CYSLTR2: variants seen among roughly 807,000 people sequenced by gnomAD.
CYSLTR2 encodes the protein G-protein coupled receptor GPCR21.
For synonymous variants in CYSLTR2, 179 were observed against 160.8 expected (o/e 1.11, Z -0.86); for missense variants, 398 against 411.9 (o/e 0.97, Z 0.29).
intron 3 of CYSLTR2, among the ~76,000 whole-genome samples, chr13:48,695,374 A>ATTCT (rs1352156028): frequency 4.5e-4 from 39 of 86,790 alleles, no homozygotes; most frequent in South Asian, 2.9e-3. Flanking sequence ...CTTTCTCTTT[A>ATTCT]TTCTTTCTTT....
chr13:48,683,145 T>C (rs1013377124), intron 1 of CYSLTR2, among the ~76,000 whole-genome samples: 1 of 152,206 alleles, frequency 6.6e-6, no homozygotes, highest in Admixed American at 6.5e-5. Context: ...GGCATTTAGG[T>C]TGATTCCATG....
intron 1 of CYSLTR2, among the ~76,000 whole-genome samples, chr13:48,669,894 A>G (rs1953375733): frequency 6.6e-6 from 1 of 152,198 alleles, no homozygotes; most frequent in Admixed American, 6.5e-5. Context: ...ACTCCCACCA[A>G]CAGTGTAAAA....
intron 1 of CYSLTR2, among the ~76,000 whole-genome samples, chr13:48,661,349 A>G (rs1489636129): frequency 6.6e-6 from 1 of 151,912 alleles, no homozygotes; most frequent in African/African-American, 2.4e-5. Context: ...CAGGATTTAA[A>G]TCCTGAGGTT....
At chr13:48,667,861 A>C (rs1052086569) in intron 1 of CYSLTR2, among the ~76,000 whole-genome samples, 7 of 152,190 alleles carry the variant, frequency 4.6e-5, no homozygotes, top group Non-Finnish European at 1.0e-4. Flanking sequence ...GTGGGGTATT[A>C]AAGTAGGAGC....
At chr13:48,682,517 G>A (rs927600223) in intron 1 of CYSLTR2, among the ~76,000 whole-genome samples, 2 of 152,052 alleles carry the variant, frequency 1.3e-5, no homozygotes, top group Non-Finnish European at 2.9e-5. Flanking sequence ...ATCTAAGCTA[G>A]GAACCTCAGA....
intron 4 of CYSLTR2, among the ~76,000 whole-genome samples, chr13:48,700,696 G>A (rs919348207): frequency 2.6e-5 from 4 of 152,032 alleles, no homozygotes; most frequent in South Asian, 2.1e-4. Context: ...GAAATAAAGG[G>A]TATTAAATTA....
chr13:48,683,975 G>C (rs1177073463), intron 1 of CYSLTR2, among the ~76,000 whole-genome samples: 1 of 152,140 alleles, frequency 6.6e-6, no homozygotes, highest in African/African-American at 2.4e-5. Flanking sequence ...CTGAAGTATA[G>C]TGGCATGAGC....
chr13:48,694,528 C>G (rs776612468), intron 3 of CYSLTR2: 1 of 152,202 alleles, frequency 6.6e-6, no homozygotes, highest in Non-Finnish European at 1.5e-5. Flanking sequence ...AAACACATTG[C>G]TGACAGTTCT....
chr13:48,664,692 C>A (rs1235148353), intron 1 of CYSLTR2, among the ~76,000 whole-genome samples: 1 of 151,658 alleles, frequency 6.6e-6, no homozygotes, highest in Non-Finnish European at 1.5e-5. Context: ...TTTTTCATTT[C>A]TGATTTTATT....
At chr13:48,661,561 T>C (rs536200754) in intron 1 of CYSLTR2, among the ~76,000 whole-genome samples, 1 of 152,228 alleles carries the variant, frequency 6.6e-6, no homozygotes, top group African/African-American at 2.4e-5. Flanking sequence ...TCACCCTGTA[T>C]GAGACAACTC....
intron 1 of CYSLTR2, among the ~76,000 whole-genome samples, chr13:48,657,986 G>C (rs1447623521): frequency 6.6e-6 from 1 of 151,898 alleles, no homozygotes; most frequent in Non-Finnish European, 1.5e-5. Context: ...TCTTTATTTT[G>C]AGTCTTACCT....
chr13:48,678,050 G>T (rs1953648264), intron 1 of CYSLTR2, among the ~76,000 whole-genome samples: 1 of 151,948 alleles, frequency 6.6e-6, no homozygotes, highest in South Asian at 2.1e-4. Flanking sequence ...CCAAGGAATT[G>T]GGGTTTCATC....
At chr13:48,672,359 A>G (rs1381680454) in intron 1 of CYSLTR2, among the ~76,000 whole-genome samples, 1 of 151,818 alleles carries the variant, frequency 6.6e-6, no homozygotes, top group East Asian at 1.9e-4. Flanking sequence ...TAGTTCTTAT[A>G]ATTGTGATGT....
chr13:48,707,898 C>A lies in CYSLTR2; in HGVS notation c.*40C>A. On this transcript the variant is annotated 3_prime_UTR_variant, in exon 5 of 5. Transcript: ENST00000682523. The stretch of plus-strand genomic sequence containing the variant: ...AGACCTGTTCTTGTATCCTTGTGTC[C>A]ATCTTCATTCACTCATAGTCTCCAA... 6.9e-7 allele frequency: 1 copy of A among 1,439,218 alleles called. No homozygotes were observed. Among genetic ancestry groups the A allele is most frequent in the South Asian group, 1.6e-5 (1 of 63,256 alleles). The allele number at this position is 1,439,218 out of a possible 1,614,324, so 89.2% of individuals were successfully genotyped here.
chr13:48,661,653 G>A (rs1953132170), intron 1 of CYSLTR2, among the ~76,000 whole-genome samples: 1 of 152,192 alleles, frequency 6.6e-6, no homozygotes, highest in Non-Finnish European at 1.5e-5. Context: ...CAGCCAGTAA[G>A]TGGCAGATGT....
At chr13:48,664,840 T>A (rs1953220263) in intron 1 of CYSLTR2, among the ~76,000 whole-genome samples, 1 of 151,992 alleles carries the variant, frequency 6.6e-6, no homozygotes, top group Non-Finnish European at 1.5e-5. Flanking sequence ...CTTTATTACT[T>A]CTTCTACTAA....
intron 1 of CYSLTR2, among the ~76,000 whole-genome samples, chr13:48,654,491 T>G (rs1952955262): frequency 6.6e-6 from 1 of 152,180 alleles, no homozygotes; most frequent in African/African-American, 2.4e-5. Context: ...TTACTATACT[T>G]CCTCCATTTT....
rs755065258 is a variant in CYSLTR2, at chr13:48,698,843, G to A, written c.-2+2217G>A. ...TGGAGGAAGATCTACCAAGCAAATG[G>A]AAAACAAAAAAAAGCAGGGGTTGCA... On this transcript the variant is annotated intron_variant, in intron 4 of 4. Transcript: ENST00000682523. 5.9e-4 allele frequency among the ~76,000 whole-genome samples: 90 copies of A among 151,378 alleles called. 1 individual carries two copies. Among genetic ancestry groups the A allele is most frequent in the Middle Eastern group, 3.4e-3 (1 of 294 alleles).
At chr13:48,683,385 G>T (rs971849891) in intron 1 of CYSLTR2, among the ~76,000 whole-genome samples, 1 of 152,128 alleles carries the variant, frequency 6.6e-6, no homozygotes. Context: ...AACCTTGCCA[G>T]CATCTGTTTT....
Sources: gnomAD v4.1 joint callset for allele counts (sites outside exome capture counted in the v4.1 genomes callset) on GRCh38, gnomAD v4.1.1 for gene constraint, MANE v1.5 for transcripts, NCBI Gene and HGNC (gene_info 2026-07-23, HGNC 2026-07-21) for gene names.